The following NAT10 variants were observed in gnomAD, a reference collection of about 807,000 sequenced individuals.
NAT10 encodes RNA cytidine acetyltransferase.
Under a neutral mutation model 132.2 loss-of-function variants are expected in NAT10, and 109 were observed. The ratio of observed to expected loss-of-function variants is 0.82; its 90% CI spans 0.71 to 0.97. NAT10 has a LOEUF of 0.97. NAT10 is among the 50% of genes least tolerant of loss of function. The probability of loss-of-function intolerance (pLI) is 0.00; values close to 1 mark genes in which losing one functional copy is unlikely to be tolerated. For synonymous variants in NAT10, 479 were observed against 478.0 expected, an observed-to-expected ratio of 1.00 and a Z score of -0.03; for missense variants, 1,184 against 1,263.4, an observed-to-expected ratio of 0.94 and a Z score of 0.95.
Position 34,146,205 on chromosome 11 carries a change from C to G in NAT10, c.*13C>G. ...GCGGAAGAAATAGTGAAGAGAAACT[C>G]GGGCATCTGTGTTTGATCATGGGAA... On this transcript the variant is annotated 3_prime_UTR_variant, in exon 29 of 29. Transcript: ENST00000257829. 6.4e-7 allele frequency: 1 copy of G among 1,556,086 alleles called. No individual in the cohort carries two copies. The highest frequency in any genetic ancestry group is 8.8e-7 in the Non-Finnish European group (1 of 1,139,686).
intron 12 of NAT10, among the ~76,000 whole-genome samples, chr11:34,130,094 T>G (rs1192298524): frequency 2.0e-5 from 3 of 152,162 alleles, no homozygotes; most frequent in African/African-American, 7.2e-5. Flanking sequence ...TTACAGTCTT[T>G]GAATATAATA....
In NAT10 at chr11:34,127,513, G is replaced by A; in HGVS notation, c.1158G>A (p.Val386=). The stretch of plus-strand genomic sequence containing the variant: ...AGCTGGGCCAGGCTGAACTAGTTGT[G>A]ATTGATGAAGCTGCCGCCATCCCCC... The part of the protein sequence containing the change: ...AVKLGQAELV[V]IDEAAAIPLP... The change falls in exon 12 of 29, where the codon GTG becomes GTA. Residue 386 remains valine, a synonymous_variant. Transcript: ENST00000257829. 1 of 1,614,202 alleles carries A rather than the reference G, an allele frequency of 6.2e-7. No homozygotes were observed. Among genetic ancestry groups the A allele is most frequent in the Non-Finnish European group, 8.5e-7 (1 of 1,180,012 alleles).
In NAT10 at chr11:34,127,560, T is replaced by C. The variant is rs779606778; in HGVS notation, c.1205T>C (p.Leu402Pro). 266 of 1,613,892 alleles carry C rather than the reference T, an allele frequency of 1.6e-4. 1 individual carries two copies. The highest frequency in any genetic ancestry group is 2.2e-4 in the Non-Finnish European group (254 of 1,179,838). ...CCCCTCCCCTTGGTGAAGAGCCTAC[T>C]TGGCCCCTACCTTGTTTTCATGGCA... Reference protein sequence around the residue: ...AIPLPLVKSLLGPYLVFMAST... With the variant: ...AIPLPLVKSLPGPYLVFMAST... Residue 402 changes from leucine (L) to proline (P), a missense_variant, in exon 12 of 29, where the codon CTT (leucine) becomes CCT (proline). Physicochemically the swap from Leu to Pro is moderately conservative, Grantham distance 98. Coordinates refer to ENST00000257829, the MANE Select transcript of NAT10 (RefSeq NM_024662.3).
At chr11:34,135,083 G>A (rs1188122591) in intron 18 of NAT10, 92 bp from the exon 19 acceptor site, 1 of 971,662 alleles carries the variant, frequency 1.0e-6, no homozygotes, top group Non-Finnish European at 1.6e-6. Context: ...AGGGAGGGAA[G>A]GTTCTCTAGA....
chr11:34,117,217 A>AT (rs1245943984), intron 6 of NAT10, among the ~76,000 whole-genome samples: 1 of 152,068 alleles, frequency 6.6e-6, no homozygotes, highest in East Asian at 1.9e-4. Flanking sequence ...AAAAAAATTT[A>AT]TTTTTTTGAG....
chr11:34,108,490 A>G (rs1183501053), intron 2 of NAT10, among the ~76,000 whole-genome samples, 157 bp downstream of exon 2: 1 of 152,134 alleles, frequency 6.6e-6, no homozygotes, highest in Non-Finnish European at 1.5e-5. Flanking sequence ...GAAGTGGTGA[A>G]TTCTCTGTAT....
Position 34,139,376 on chromosome 11 carries a change from AC to A in NAT10, c.2309-5del, listed in dbSNP as rs762191957. The A allele has an allele frequency of 1.2e-6, 2 of 1,613,678 alleles. No homozygotes were observed. Among genetic ancestry groups the A allele is most frequent in the East Asian group, 4.5e-5 (2 of 44,866 alleles). ...CAGACCTCTAACTCTGCGTGATGGC[AC>A]CCCACAGATTTCCGACGGCGGTTCC... On this transcript the variant is annotated splice_polypyrimidine_tract_variant and splice_region_variant and intron_variant, in intron 22 of 28. Transcript: ENST00000257829.
At chr11:34,123,737 A>G (rs758032141) in intron 9 of NAT10, 25 bp from the exon 10 acceptor site, 1 of 1,492,700 alleles carries the variant, frequency 6.7e-7, no homozygotes, top group South Asian at 1.2e-5. Context: ...TTTCTTAAAA[A>G]TCCTTCTTTT....
At chr11:34,118,655 G>A (rs935156686) in intron 8 of NAT10, 152 bp downstream of exon 8, 6 of 601,066 alleles carry the variant, frequency 1.0e-5, no homozygotes, top group African/African-American at 9.3e-5. Context: ...CTCAGCAACA[G>A]TAGGGCTATT....
intron 12 of NAT10, among the ~76,000 whole-genome samples, chr11:34,128,222 C>T (rs908689435): frequency 2.0e-4 from 30 of 152,032 alleles, no homozygotes; most frequent in South Asian, 6.3e-4. Context: ...GGTCTGGTGG[C>T]GCGTGCCTGT....
In NAT10 at chr11:34,112,215, G is replaced by A. The variant is rs1021018885; in HGVS notation, c.364G>A (p.Val122Met). 7.4e-6 allele frequency: 12 copies of A among 1,614,116 alleles called. No individual in the cohort carries two copies. The highest frequency in any genetic ancestry group is 1.0e-5 in the Non-Finnish European group (12 of 1,180,050). ...CCTGGGCAATACCTTCGGCATGTGT[G>A]TGCTGCAGGTGGGTGGCTTCCTCTA... ...KILGNTFGMC[V>M]LQDFEALTPN... The change falls in exon 4 of 29, where the codon GTG (valine) becomes ATG (methionine). Residue 122 changes from valine to methionine, a missense_variant. Transcript: ENST00000257829.
chr11:34,134,482 C>T, intron 17 of NAT10, 30 bp from the exon 18 acceptor site: 1 of 1,613,932 alleles, frequency 6.2e-7, no homozygotes, highest in South Asian at 1.1e-5. Flanking sequence ...GTCTGTGTTG[C>T]TAAGTTACTG....
intron 2 of NAT10, 78 bp downstream of exon 2, chr11:34,108,411 C>T: frequency 8.5e-7 from 1 of 1,180,472 alleles, no homozygotes; most frequent in South Asian, 1.3e-5. Context: ...TCTGCTGTTT[C>T]AGGACATAAT....
intron 21 of NAT10, among the ~76,000 whole-genome samples, chr11:34,138,560 T>A (rs538518180): frequency 1.3e-5 from 2 of 152,230 alleles, no homozygotes; most frequent in African/African-American, 4.8e-5. Context: ...GATGTAAGTT[T>A]GGCTGTCAGC....
At chr11:34,133,597 A>G (rs946309623) in intron 16 of NAT10, among the ~76,000 whole-genome samples, 5 of 152,228 alleles carry the variant, frequency 3.3e-5, no homozygotes, top group South Asian at 4.1e-4. Flanking sequence ...CTCATAATCT[A>G]CATAAGTTTT....
At chr11:34,134,716 A>T (rs1852177561) in intron 18 of NAT10, 130 bp downstream of exon 18, 1 of 799,698 alleles carries the variant, frequency 1.3e-6, no homozygotes, top group Non-Finnish European at 2.1e-6. Flanking sequence ...TGCTCTGGAG[A>T]ATTGAGCCAG....
chr11:34,130,553 G>A (rs1356448833), intron 12 of NAT10, among the ~76,000 whole-genome samples: 4 of 152,240 alleles, frequency 2.6e-5, no homozygotes, highest in African/African-American at 9.6e-5. Flanking sequence ...GGCGAAAAGA[G>A]ATTCAGCTCC....
At chr11:34,130,482 A>T (rs1852085242) in intron 12 of NAT10, among the ~76,000 whole-genome samples, 1 of 152,052 alleles carries the variant, frequency 6.6e-6, no homozygotes, top group African/African-American at 2.4e-5. Flanking sequence ...TCCAGTCCTT[A>T]TTTTTTAAGT....
Position 34,134,580 on chromosome 11 carries a change from T to G in NAT10, c.1905T>G (p.Tyr635Ter), listed in dbSNP as rs1852175006. 7 of 1,614,102 alleles carry G rather than the reference T, an allele frequency of 4.3e-6. No individual in the cohort carries two copies. The highest frequency in any genetic ancestry group is 5.9e-6 in the Non-Finnish European group (7 of 1,180,000). ...RVVRIAVHPD[Y>*]QGMGYGSRAL... ...TTCGCATTGCTGTTCACCCAGATTATCAAGGGGTAATGTGTCCTCAGGCTC... is the reference window on the plus strand; with the variant it reads ...TTCGCATTGCTGTTCACCCAGATTAGCAAGGGGTAATGTGTCCTCAGGCTC... Residue 635 changes from tyrosine (Y) to a stop codon, truncating the protein, a stop_gained, in exon 18 of 29, where the codon TAT becomes TAG. Coordinates refer to ENST00000257829, the MANE Select transcript of NAT10 (RefSeq NM_024662.3). LOFTEE classifies it high-confidence loss of function.
Sources: gnomAD v4.1 joint callset for allele counts (sites outside exome capture counted in the v4.1 genomes callset) on GRCh38, gnomAD v4.1.1 for gene constraint, MANE v1.5 for transcripts, NCBI Gene and HGNC (gene_info 2026-07-23, HGNC 2026-07-21) for gene names.